The following PRKAG2 variants were observed in gnomAD, a reference collection of about 807,000 sequenced individuals.
The protein encoded by PRKAG2 is 5'-AMP-activated protein kinase subunit gamma-2.
PRKAG2 carries 26 observed loss-of-function variants against 69.6 expected under a neutral mutation model. That is an observed-to-expected ratio of 0.37 (90% CI 0.27 to 0.52). The LOEUF (loss-of-function observed/expected upper bound fraction) is 0.52, where lower values mean the gene tolerates loss of function less well. Ranked by LOEUF, PRKAG2 falls within the 20% of genes least tolerant of loss-of-function variation. The pLI, the probability that PRKAG2 is intolerant of heterozygous loss-of-function variation, is 0.90. For missense variants in PRKAG2, 557 were observed against 740.0 expected, an observed-to-expected ratio of 0.75 and a Z score of 2.87; for synonymous variants, 293 against 285.0, an observed-to-expected ratio of 1.03 and a Z score of -0.28.
At chr7:151,628,367 C>T (rs1210909697) in intron 5 of PRKAG2, among the ~76,000 whole-genome samples, 1 of 152,226 alleles carries the variant, frequency 6.6e-6, no homozygotes, top group African/African-American at 2.4e-5. Context: ...AACACAAACA[C>T]AGCAAAGACG....
rs1837301233 is a variant in PRKAG2 at position 151,699,480 on chromosome 7, C to G, written c.467-23843G>C. ...GGCGACTTTATCATGAAGGCCAGCA[C>G]AGGAGGCCCCTCCTTCCTGTTGGAG... On this transcript the variant is annotated intron_variant, in intron 3 of 15. Coordinates refer to ENST00000287878, the MANE Select transcript of PRKAG2 (RefSeq NM_016203.4). The surrounding 1 kb of genome is among the most constrained non-coding windows in gnomAD (Gnocchi z 4.5). 6.6e-6 allele frequency among the ~76,000 whole-genome samples: 1 copy of G among 152,242 alleles called. No individual in the cohort carries two copies. The highest frequency in any genetic ancestry group is 6.5e-5 in the Admixed American group (1 of 15,288).
intron 5 of PRKAG2, among the ~76,000 whole-genome samples, chr7:151,630,238 AAG>A (rs1372533726): frequency 3.9e-5 from 6 of 152,234 alleles, no homozygotes; most frequent in Non-Finnish European, 8.8e-5. Flanking sequence ...AAAGAAAAAA[AAG>A]AGTGTATATC....
intron 1 of PRKAG2, among the ~76,000 whole-genome samples, chr7:151,811,272 T>TA (rs1491178649): frequency 6.6e-6 from 1 of 152,214 alleles, no homozygotes; most frequent in Non-Finnish European, 1.5e-5. Context: ...AAGCATCTAT[T>TA]ATGTGCTGGC....
intron 1 of PRKAG2, among the ~76,000 whole-genome samples, chr7:151,829,322 C>T (rs753563981): frequency 2.8e-4 from 42 of 152,352 alleles, no homozygotes; most frequent in Non-Finnish European, 5.7e-4. Context: ...TGAGACACCA[C>T]TTCACACCCA....
chr7:151,763,262 C>T (rs998442603), intron 3 of PRKAG2, among the ~76,000 whole-genome samples: 4 of 152,268 alleles, frequency 2.6e-5, no homozygotes, highest in Non-Finnish European at 5.9e-5. Context: ...CACGCTAAGG[C>T]GGGTCTCCTG....
chr7:151,557,874 A>T, intron 15 of PRKAG2: 9 of 958,614 alleles, frequency 9.4e-6, no homozygotes, highest in Non-Finnish European at 1.1e-5. Context: ...CTCCGTCTCA[A>T]ATAAAAAAAA....
At chr7:151,683,046 G>T (rs1279120631) in intron 3 of PRKAG2, among the ~76,000 whole-genome samples, 2 of 152,366 alleles carry the variant, frequency 1.3e-5, no homozygotes, top group Non-Finnish European at 2.9e-5. Flanking sequence ...TAAGGACTTT[G>T]TTTAGGACGC....
At chr7:151,609,215 C>T (rs1265019026) in intron 5 of PRKAG2, among the ~76,000 whole-genome samples, 1 of 152,174 alleles carries the variant, frequency 6.6e-6, no homozygotes, top group Non-Finnish European at 1.5e-5. Context: ...CAGCAAACAA[C>T]TGGACAAGTA....
rs527904961 is a variant in PRKAG2 at position 151,823,372 on chromosome 7, C to T, written c.115-36831G>A. Among the ~76,000 whole-genome samples the T allele has an allele frequency of 1.6e-4, 24 of 151,374 alleles. No individual in the cohort carries two copies. The South Asian group carries it at 4.9e-3, about 31-fold the overall frequency. ...TGTTATGGGTTAAAGTGCTTGCACC[C>T]GCAAAAAAGACATTGGAGTCTTCAC... On this transcript the variant is annotated intron_variant, in intron 1 of 15. Coordinates refer to ENST00000287878, the MANE Select transcript of PRKAG2 (RefSeq NM_016203.4).
chr7:151,611,577 T>C (rs1818878042), intron 5 of PRKAG2, among the ~76,000 whole-genome samples: 2 of 152,138 alleles, frequency 1.3e-5, no homozygotes, highest in Admixed American at 6.5e-5. Flanking sequence ...AAAGGAATGA[T>C]CTGATCCATG....
chr7:151,756,379 G>T lies in PRKAG2; in HGVS notation c.466+24773C>A, dbSNP rs2075085995. On this transcript the variant is annotated intron_variant, in intron 3 of 15. Coordinates refer to ENST00000287878, the MANE Select transcript of PRKAG2 (RefSeq NM_016203.4). This position sits in a 1 kb window ranked among gnomAD's most constrained non-coding sequence, Gnocchi z 4.9. Reference sequence around the variant, plus strand: ...TTCCTGTCCTTGCAATGCTGGGAGGGACCCTAGATGGATTTGTGGGTGCAT... The same window carrying T: ...TTCCTGTCCTTGCAATGCTGGGAGGTACCCTAGATGGATTTGTGGGTGCAT... 1.3e-5 allele frequency among the ~76,000 whole-genome samples: 2 copies of T among 152,224 alleles called. No individual in the cohort carries two copies. Among genetic ancestry groups the T allele is most frequent in the Admixed American group, 6.5e-5 (1 of 15,282 alleles).
intron 1 of PRKAG2, among the ~76,000 whole-genome samples, chr7:151,833,679 G>A: frequency 6.6e-6 from 1 of 152,222 alleles, no homozygotes; most frequent in Non-Finnish European, 1.5e-5. Flanking sequence ...CAGGGGTGGG[G>A]GATAGTTTGG....
chr7:151,857,090 C>T (rs2079799137), intron 1 of PRKAG2, among the ~76,000 whole-genome samples: 1 of 149,194 alleles, frequency 6.7e-6, no homozygotes, highest in African/African-American at 2.5e-5. Flanking sequence ...AATCCTAAGA[C>T]CCATCTATTT....
chr7:151,754,544 CCAGAGT>C (rs2074939773), intron 3 of PRKAG2, among the ~76,000 whole-genome samples: 1 of 152,200 alleles, frequency 6.6e-6, no homozygotes, highest in South Asian at 2.1e-4. Context: ...CTTGGGCAAG[CCAGAGT>C]CAATCTTTTT....
intron 6 of PRKAG2, among the ~76,000 whole-genome samples, chr7:151,585,657 G>A (rs945334268): frequency 6.6e-6 from 1 of 152,140 alleles, no homozygotes; most frequent in African/African-American, 2.4e-5. Context: ...TCTGCGTTTC[G>A]ATTATTATCA....
chr7:151,816,098 C>T (rs1013611883), intron 1 of PRKAG2, among the ~76,000 whole-genome samples: 1 of 152,126 alleles, frequency 6.6e-6, no homozygotes, highest in Non-Finnish European at 1.5e-5. Flanking sequence ...GGCCCACGGA[C>T]AAAAAGGCGG....
At chr7:151,590,257 G>A (rs918947880) in intron 6 of PRKAG2, among the ~76,000 whole-genome samples, 4 of 152,198 alleles carry the variant, frequency 2.6e-5, no homozygotes, top group African/African-American at 9.7e-5. Context: ...CCCAGGTCTG[G>A]GACCTGCACC....
chr7:151,773,094 G>A (rs2076155629), intron 3 of PRKAG2, among the ~76,000 whole-genome samples: 1 of 89,624 alleles, frequency 1.1e-5, no homozygotes, highest in Non-Finnish European at 2.4e-5. Context: ...AGGGAGGGAG[G>A]GAAGGGAAGG....
intron 3 of PRKAG2, among the ~76,000 whole-genome samples, chr7:151,698,802 C>T (rs896967175): frequency 7.2e-5 from 11 of 152,298 alleles, no homozygotes; most frequent in African/African-American, 2.4e-4. Context: ...CCCTTGTCAC[C>T]AGCTCTGCTT....
Sources: gnomAD v4.1 joint callset for allele counts (sites outside exome capture counted in the v4.1 genomes callset) on GRCh38, gnomAD v4.1.1 for gene constraint, Gnocchi (gnomAD v3.1) non-coding constraint, MANE v1.5 for transcripts, NCBI Gene and HGNC (gene_info 2026-07-23, HGNC 2026-07-21) for gene names.